The following KCNAB2 variants were observed in gnomAD, a reference collection of about 807,000 sequenced individuals.
The protein encoded by KCNAB2 is voltage-gated potassium channel subunit beta-2.
Under a neutral mutation model 63.6 loss-of-function variants are expected in KCNAB2, and 29 were observed. The ratio of observed to expected loss-of-function variants is 0.46; its 90% confidence interval spans 0.34 to 0.62. The LOEUF (loss-of-function observed/expected upper bound fraction) is 0.62, where lower values mean the gene tolerates loss of function less well. Ranked by LOEUF, KCNAB2 falls within the 20% of genes least tolerant of loss-of-function variation. The probability of loss-of-function intolerance (pLI) is 0.01; values close to 1 mark genes in which losing one functional copy is unlikely to be tolerated. For missense variants in KCNAB2, 359 were observed against 563.9 expected (o/e 0.64, Z 3.68); for synonymous variants, 222 against 224.2 (o/e 0.99, Z 0.09).
At chr1:6,037,329 G>A (rs976349134) in intron 1 of KCNAB2, among the ~76,000 whole-genome samples, 3 of 152,364 alleles carry the variant, frequency 2.0e-5, no homozygotes, top group Admixed American at 2.0e-4. Context: ...AAAGGCACAG[G>A]CATCCCAGCC....
chr1:6,049,300 CA>C (rs1661196347), intron 1 of KCNAB2, among the ~76,000 whole-genome samples: 1 of 152,214 alleles, frequency 6.6e-6, no homozygotes, highest in Non-Finnish European at 1.5e-5. Context: ...GGGCACTGAG[CA>C]GGGGGCAGTG....
chr1:6,001,930 G>C (rs940583731), intron 1 of KCNAB2, among the ~76,000 whole-genome samples: 3 of 152,158 alleles, frequency 2.0e-5, no homozygotes, highest in Admixed American at 6.5e-5. Context: ...GCAGCTCTCT[G>C]ACTGAGCCCC....
rs951117103 is a variant in KCNAB2, at chr1:6,069,500, A to G, written c.219-3255A>G. On this transcript the variant is annotated intron_variant, in intron 2 of 15. Transcript: ENST00000378083. The surrounding 1 kb of genome is among the most constrained non-coding windows in gnomAD (Gnocchi z 5.4). ...TCCTCACTCCAGGAGTCCAGACCCC[A>G]GGAGAGACATGAGGCAAATTAATGA... Among the ~76,000 whole-genome samples the G allele has an allele frequency of 5.9e-5, 9 of 152,204 alleles. No homozygotes were observed. The highest frequency in any genetic ancestry group is 3.3e-4 in the Admixed American group (5 of 15,282).
chr1:6,043,812 T>C (rs1197880221), upstream of KCNAB2, among the ~76,000 whole-genome samples: 1 of 152,158 alleles, frequency 6.6e-6, no homozygotes, highest in Non-Finnish European at 1.5e-5. Flanking sequence ...ACTGTGCCAA[T>C]CAGCTGTCCA....
Position 6,099,535 on chromosome 1 carries a change from C to T in KCNAB2, c.*961C>T. The T allele has an allele frequency of 2.5e-6, 1 of 403,204 alleles. No homozygotes were observed. The highest frequency in any genetic ancestry group is 4.4e-6 in the Non-Finnish European group (1 of 228,880). 25.0% of individuals were successfully genotyped at this position (403,204 alleles called of 1,614,324 possible). A position where few individuals can be genotyped will look rare whatever the true frequency, so the allele number is the denominator to read the frequency against. ...CACGGCAAGTGGCAGCAGGGGCCGGCCCTGTGCACAAGGATGCACTCCTCT... is the reference window on the plus strand; with the variant it reads ...CACGGCAAGTGGCAGCAGGGGCCGGTCCTGTGCACAAGGATGCACTCCTCT... On this transcript the variant is annotated 3_prime_UTR_variant, in exon 16 of 16. Coordinates refer to ENST00000378083, the MANE Select transcript of KCNAB2 (RefSeq NM_001199862.2).
chr1:6,009,549 C>T (rs1658029400), intron 1 of KCNAB2, among the ~76,000 whole-genome samples: 1 of 152,266 alleles, frequency 6.6e-6, no homozygotes, highest in Non-Finnish European at 1.5e-5. Context: ...CCTGGCTTCT[C>T]TTGATCAACT....
chr1:6,087,569 T>C lies in KCNAB2; in HGVS notation c.470+58T>C, dbSNP rs974372205. 8.9e-6 allele frequency: 14 copies of C among 1,577,100 alleles called. No individual in the cohort carries two copies. The highest frequency in any genetic ancestry group is 1.2e-5 in the Non-Finnish European group (14 of 1,147,224). ...CGGCCCAGCAGCCACGGCCCCGTGC[T>C]CCCCAGAGACCCCTGACCTAGAAGG... On this transcript the variant is annotated intron_variant, in intron 7 of 15. Coordinates refer to ENST00000378083, the MANE Select transcript of KCNAB2 (RefSeq NM_001199862.2). This position sits in a 1 kb window ranked among gnomAD's most constrained non-coding sequence, Gnocchi z 6.4.
chr1:6,085,129 G>A (rs543845330), intron 5 of KCNAB2, 75 bp from the exon 6 acceptor site: 8 of 1,472,878 alleles, frequency 5.4e-6, no homozygotes, highest in African/African-American at 2.8e-5. Context: ...GGAACCAAGT[G>A]GCCAGTGGCC....
chr1:6,090,315 G>A (rs576598273), intron 8 of KCNAB2, 74 bp from the exon 9 acceptor site: 86 of 1,042,244 alleles, frequency 8.3e-5, no homozygotes, highest in African/African-American at 5.8e-4. Flanking sequence ...TCCCTGAGCC[G>A]GGCATGGATG....
chr1:6,082,110 G>A, intron 4 of KCNAB2, 85 bp from the exon 5 acceptor site: 2 of 1,164,576 alleles, frequency 1.7e-6, no homozygotes, highest in Non-Finnish European at 2.6e-6. Flanking sequence ...GACACGGGGA[G>A]GCCTCCCAGG....
rs374088826 is a variant in KCNAB2 at position 6,036,735 on chromosome 1, G to A, written c.-53+1941G>A. On this transcript the variant is annotated intron_variant, in intron 1 of 15. Coordinates refer to the KCNAB2 transcript ENST00000164247. The stretch of plus-strand genomic sequence containing the variant: ...TTGAGCACAGATCGTGTCGCTGTGT[G>A]TGGAAGGTGGCTTCTGATTGCTTGT... Among the ~76,000 whole-genome samples the A allele has an allele frequency of 8.6e-5, 13 of 151,950 alleles. No individual in the cohort carries two copies. The East Asian group carries it at 1.4e-3, about 16-fold the overall frequency.
At chr1:6,054,028 G>A (rs949204784) in intron 2 of KCNAB2, among the ~76,000 whole-genome samples, 13 of 146,874 alleles carry the variant, frequency 8.9e-5, no homozygotes, top group East Asian at 2.0e-4. Flanking sequence ...GGGCGGCAGA[G>A]TGAGACCCTG....
At chr1:6,084,362 G>A (rs1664463674) in intron 5 of KCNAB2, among the ~76,000 whole-genome samples, 1 of 152,120 alleles carries the variant, frequency 6.6e-6, no homozygotes. Context: ...GTTCAGTGCA[G>A]GAAATGAGAG....
chr1:6,029,838 G>A (rs980949139), upstream of KCNAB2, among the ~76,000 whole-genome samples: 3 of 152,220 alleles, frequency 2.0e-5, no homozygotes, highest in African/African-American at 7.2e-5. Flanking sequence ...GTCACCCAAA[G>A]GGGATGGAAT....
intron 2 of KCNAB2, among the ~76,000 whole-genome samples, chr1:6,059,164 C>T (rs964002189): frequency 1.3e-5 from 2 of 151,216 alleles, no homozygotes; most frequent in African/African-American, 4.9e-5. Flanking sequence ...CCACAGGAAT[C>T]ACGGGCCATA....
chr1:6,091,095 T>G (rs1665149368), intron 9 of KCNAB2, among the ~76,000 whole-genome samples, 168 bp from the exon 10 acceptor site: 1 of 152,246 alleles, frequency 6.6e-6, no homozygotes, highest in African/African-American at 2.4e-5. Flanking sequence ...TTTTTATTTG[T>G]TCATATACAG....
chr1:6,059,666 AAG>A (rs531687858), intron 2 of KCNAB2, among the ~76,000 whole-genome samples: 382 of 152,276 alleles, frequency 2.5e-3, no homozygotes, highest in African/African-American at 8.7e-3. Context: ...GAGGAAGAGA[AAG>A]AGAGGTGCTC....
chr1:6,017,907 G>T (rs1234659327), intron 1 of KCNAB2, among the ~76,000 whole-genome samples: 1 of 151,542 alleles, frequency 6.6e-6, no homozygotes, highest in Non-Finnish European at 1.5e-5. Flanking sequence ...CTGGAACAGG[G>T]TTCAGCAAAA....
chr1:6,015,263 C>T (rs1343050245), intron 1 of KCNAB2, among the ~76,000 whole-genome samples: 4 of 152,140 alleles, frequency 2.6e-5, no homozygotes, highest in African/African-American at 9.7e-5. Context: ...CTCTTGACCT[C>T]CGGTGATCCA....
Sources: gnomAD v4.1 joint callset for allele counts (sites outside exome capture counted in the v4.1 genomes callset) on GRCh38, gnomAD v4.1.1 for gene constraint, Gnocchi (gnomAD v3.1) non-coding constraint, MANE v1.5 for transcripts, NCBI Gene and HGNC (gene_info 2026-07-23, HGNC 2026-07-21) for gene names.